The following PIGK variants were observed in gnomAD, a reference collection of about 807,000 sequenced individuals.
PIGK encodes the protein GPI-anchor transamidase.
A neutral mutation model predicts 50.6 loss-of-function variants in PIGK; 42 were observed. The ratio of observed to expected loss-of-function variants is 0.83; its 90% CI spans 0.65 to 1.07. PIGK has a LOEUF of 1.07. Ranked by LOEUF, PIGK falls within the 50% of genes least tolerant of loss-of-function variation. PIGK has a pLI of 0.00. For missense variants in PIGK, 448 were observed against 488.7 expected (o/e 0.92, Z 0.78); for synonymous variants, 151 against 156.0 (o/e 0.97, Z 0.24).
At chr1:77,114,784 T>A (rs908453143) in intron 10 of PIGK, among the ~76,000 whole-genome samples, 3 of 152,174 alleles carry the variant, frequency 2.0e-5, no homozygotes, top group Non-Finnish European at 2.9e-5. Context: ...GCCCATGACC[T>A]TCAAAAAGTT....
intron 1 of PIGK, among the ~76,000 whole-genome samples, chr1:77,214,313 C>T (rs1160808076): frequency 6.6e-6 from 1 of 152,022 alleles, no homozygotes; most frequent in Non-Finnish European, 1.5e-5. Flanking sequence ...TCCAACAGCA[C>T]AACAAAAAGA....
At chr1:77,175,104 G>C (rs35762413) in intron 3 of PIGK, among the ~76,000 whole-genome samples, 26,647 of 151,888 alleles carry the variant, frequency 0.18, 2,530 homozygotes, top group East Asian at 0.36. Context: ...AAAGATTATT[G>C]GTAAAATAAA....
chr1:77,144,624 A>G (rs1282876379), intron 9 of PIGK, among the ~76,000 whole-genome samples: 3 of 151,884 alleles, frequency 2.0e-5, no homozygotes, highest in Non-Finnish European at 4.4e-5. Context: ...ATATATACTG[A>G]TTTCTTAGAA....
At chr1:77,186,825 A>C (rs1441446023) in intron 3 of PIGK, among the ~76,000 whole-genome samples, 1 of 152,200 alleles carries the variant, frequency 6.6e-6, no homozygotes, top group Non-Finnish European at 1.5e-5. Context: ...CCAGCAGCAG[A>C]GACCAACACT....
intron 3 of PIGK, among the ~76,000 whole-genome samples, chr1:77,201,163 CAAT>C (rs1290820880): frequency 6.6e-6 from 1 of 152,086 alleles, no homozygotes; most frequent in African/African-American, 2.4e-5. Flanking sequence ...TAAAAAACAA[CAAT>C]AACAAAAATT....
chr1:77,195,194 T>C (rs1656004144), intron 3 of PIGK: 1 of 1,191,306 alleles, frequency 8.4e-7, no homozygotes, highest in Non-Finnish European at 1.2e-6. Context: ...TTCTTAACCG[T>C]GGGCGATGAG....
chr1:77,205,929 G>T (rs1191571036), intron 3 of PIGK, among the ~76,000 whole-genome samples: 1 of 151,934 alleles, frequency 6.6e-6, no homozygotes. Context: ...TTCCTATATA[G>T]AGGCTAATAA....
At chr1:77,198,493 T>A (rs867698192) in intron 3 of PIGK, among the ~76,000 whole-genome samples, 2 of 151,970 alleles carry the variant, frequency 1.3e-5, no homozygotes, top group Non-Finnish European at 2.9e-5. Context: ...AACTCATTGT[T>A]TGAAGATTTT....
intron 3 of PIGK, among the ~76,000 whole-genome samples, chr1:77,187,743 G>A (rs1326232560): frequency 6.6e-6 from 1 of 152,164 alleles, no homozygotes; most frequent in Non-Finnish European, 1.5e-5. Context: ...AGTACAAATG[G>A]CCCAGACCCT....
chr1:77,172,933 T>A (rs1036847125), intron 3 of PIGK, among the ~76,000 whole-genome samples: 31 of 152,002 alleles, frequency 2.0e-4, no homozygotes, highest in South Asian at 6.2e-4. Context: ...CAGAAAAAAA[T>A]AATAATAATA....
chr1:77,169,508 A>G, intron 3 of PIGK, 113 bp from the exon 4 acceptor site: 1 of 736,200 alleles, frequency 1.4e-6, no homozygotes, highest in Non-Finnish European at 2.1e-6. Context: ...TTAAAAAAAA[A>G]TTTTCAACTA....
intron 9 of PIGK, among the ~76,000 whole-genome samples, chr1:77,137,725 T>C (rs1039034688): frequency 5.3e-5 from 8 of 152,128 alleles, no homozygotes; most frequent in African/African-American, 1.7e-4. Flanking sequence ...TGCCTCAGCC[T>C]CCCGAGTAGC....
intron 3 of PIGK, among the ~76,000 whole-genome samples, chr1:77,205,092 T>C (rs1239990988): frequency 6.6e-6 from 1 of 152,214 alleles, no homozygotes; most frequent in Non-Finnish European, 1.5e-5. Flanking sequence ...CTATTGTCTA[T>C]TCCTAAAAAC....
chr1:77,215,937 G>T (rs952638367), intron 1 of PIGK, among the ~76,000 whole-genome samples: 1 of 152,092 alleles, frequency 6.6e-6, no homozygotes, highest in African/African-American at 2.4e-5. Context: ...GGAAGAATAG[G>T]AAGGTGACGG....
intron 3 of PIGK, among the ~76,000 whole-genome samples, chr1:77,197,429 G>A (rs1656061534): frequency 6.6e-6 from 1 of 152,142 alleles, no homozygotes; most frequent in Admixed American, 6.6e-5. Flanking sequence ...TAGAACTTCA[G>A]GTGACAAAGC....
At chr1:77,109,400 G>C (rs549476011) in intron 10 of PIGK, among the ~76,000 whole-genome samples, 1 of 152,244 alleles carries the variant, frequency 6.6e-6, no homozygotes, top group East Asian at 1.9e-4. Flanking sequence ...ACATCAAAAA[G>C]CTTATCCACC....
intron 10 of PIGK, among the ~76,000 whole-genome samples, chr1:77,104,496 A>G (rs760557589): frequency 6.6e-6 from 1 of 152,240 alleles, no homozygotes; most frequent in Non-Finnish European, 1.5e-5. Context: ...CAGAGAACAA[A>G]TAAAATAGCA....
chr1:77,198,541 GAATT>G (rs1408736205), intron 3 of PIGK, among the ~76,000 whole-genome samples: 2 of 151,786 alleles, frequency 1.3e-5, no homozygotes, highest in African/African-American at 4.8e-5. Context: ...TCAATTATTA[GAATT>G]AATAGGAGTT....
intron 9 of PIGK, chr1:77,129,282 T>C (rs1389481126): frequency 3.1e-6 from 5 of 1,607,118 alleles, no homozygotes; most frequent in Non-Finnish European, 3.4e-6. Context: ...ACAGAAACAG[T>C]GTGTACCATT....
Sources: gnomAD v4.1 joint callset for allele counts (sites outside exome capture counted in the v4.1 genomes callset) on GRCh38, gnomAD v4.1.1 for gene constraint, MANE v1.5 for transcripts, NCBI Gene and HGNC (gene_info 2026-07-23, HGNC 2026-07-21) for gene names.